The following CYREN variants were observed in gnomAD, a reference collection of about 807,000 sequenced individuals.
The protein encoded by CYREN is cell cycle regulator of NHEJ.
Under a neutral mutation model 9.7 loss-of-function variants are expected in CYREN, and 7 were observed. The ratio of observed to expected loss-of-function variants is 0.72; its 90% CI spans 0.41 to 1.36. CYREN has a LOEUF of 1.36. CYREN is among the 40% of genes most tolerant of loss of function. The pLI is 0.01. For synonymous variants in CYREN, 76 were observed against 77.9 expected (o/e 0.98, Z 0.13); for missense variants, 215 against 198.1 (o/e 1.09, Z -0.51).
chr7:135,125,608 C>A (rs1827768444), intron 2 of CYREN, among the ~76,000 whole-genome samples: 1 of 152,168 alleles, frequency 6.6e-6, no homozygotes, highest in Non-Finnish European at 1.5e-5. Flanking sequence ...AAACTTCAGA[C>A]CAATATTCCT....
At chr7:135,138,601 A>C (rs1347828859) in intron 2 of CYREN, among the ~76,000 whole-genome samples, 1 of 152,096 alleles carries the variant, frequency 6.6e-6, no homozygotes, top group African/African-American at 2.4e-5. Flanking sequence ...AGAAGGAGGT[A>C]GAAAACAAGT....
chr7:135,139,896 T>C (rs1375971544), intron 2 of CYREN, among the ~76,000 whole-genome samples: 1 of 151,780 alleles, frequency 6.6e-6, no homozygotes, highest in East Asian at 1.9e-4. Context: ...TACAACATTA[T>C]ATATGGGTTC....
chr7:135,094,198 C>G, exon 3 of CYREN: 1 of 352,794 alleles, frequency 2.8e-6, no homozygotes, highest in Non-Finnish European at 5.6e-6. Flanking sequence ...CTCGTTTTAG[C>G]TGCAACATGA....
chr7:135,138,988 C>T (rs531496864), intron 2 of CYREN, among the ~76,000 whole-genome samples: 171 of 152,198 alleles, frequency 1.1e-3, no homozygotes, highest in Non-Finnish European at 2.0e-3. Context: ...TTTATTCAGT[C>T]CACCATTGAT....
At chr7:135,110,379 A>C (rs2117129018) in intron 2 of CYREN, among the ~76,000 whole-genome samples, 1 of 152,098 alleles carries the variant, frequency 6.6e-6, no homozygotes, top group African/African-American at 2.4e-5. Context: ...TTGCTGGGAA[A>C]CCCGAGTATC....
chr7:135,168,658 G>A (rs933776451), intron 2 of CYREN, 128 bp downstream of exon 2: 4 of 1,393,452 alleles, frequency 2.9e-6, no homozygotes, highest in Non-Finnish European at 3.9e-6. Context: ...AAAAGCTCAA[G>A]AGATGATCAG....
intron 2 of CYREN, chr7:135,168,250 T>C (rs1830338363): frequency 6.5e-6 from 1 of 153,870 alleles, no homozygotes; most frequent in South Asian, 9.8e-5. Flanking sequence ...CACCGAGTGC[T>C]GGGGCCCCGC....
At position 135,104,375 on chromosome 7, in the gene CYREN, C is replaced by T. The variant is rs559563792; in HGVS notation, n.357-9793G>A. On this transcript the variant is annotated intron_variant and non_coding_transcript_variant, in intron 2 of 2. Transcript: ENST00000459937. ...TATTATTCACAATAGCAATGAATAGCGTTGCAGTGAACATACATATGCATG... is the reference window on the plus strand; with the variant it reads ...TATTATTCACAATAGCAATGAATAGTGTTGCAGTGAACATACATATGCATG... Among the ~76,000 whole-genome samples the T allele has an allele frequency of 5.3e-5, 8 of 152,118 alleles. No homozygotes were observed. In the East Asian group the frequency reaches 1.2e-3, roughly 22 times the overall value.
chr7:135,167,199 G>T (rs1830224503), intron 3 of CYREN: 1 of 985,406 alleles, frequency 1.0e-6, no homozygotes, highest in Non-Finnish European at 1.2e-6. Flanking sequence ...CTGGGTGTGG[G>T]CCCATGCCTT....
chr7:135,101,983 C>G (rs1008812981), intron 2 of CYREN, among the ~76,000 whole-genome samples: 2 of 152,210 alleles, frequency 1.3e-5, no homozygotes, highest in African/African-American at 2.4e-5. Context: ...CTCTCATTCT[C>G]TCTTGCCTGC....
At chr7:135,144,102 GA>G in intron 2 of CYREN, among the ~76,000 whole-genome samples, 1 of 152,322 alleles carries the variant, frequency 6.6e-6, no homozygotes, top group East Asian at 1.9e-4. Context: ...AGAGGTCAGG[GA>G]CTCCCTTCCT....
downstream of CYREN, among the ~76,000 whole-genome samples, chr7:135,161,071 G>A (rs1031354225): frequency 5.9e-5 from 9 of 152,192 alleles, no homozygotes; most frequent in African/African-American, 1.7e-4. The surrounding 1 kb of genome is among the most constrained non-coding windows in gnomAD (Gnocchi z 4.1). Flanking sequence ...GTTCCAAGTC[G>A]CACCAGATGA....
chr7:135,105,351 TA>T (rs1256140691), intron 2 of CYREN, among the ~76,000 whole-genome samples: 1 of 152,218 alleles, frequency 6.6e-6, no homozygotes, highest in Non-Finnish European at 1.5e-5. Context: ...ATTACAGGCA[TA>T]GGCCACTGCG....
chr7:135,135,307 T>A, intron 2 of CYREN: 1 of 1,407,970 alleles, frequency 7.1e-7, no homozygotes, highest in Non-Finnish European at 9.4e-7. Context: ...GGATAACATA[T>A]GCTTATGTAG....
intron 2 of CYREN, among the ~76,000 whole-genome samples, chr7:135,146,464 G>A (rs1160623358): frequency 1.3e-5 from 2 of 152,162 alleles, no homozygotes; most frequent in African/African-American, 2.4e-5. Context: ...GGTGCCAATA[G>A]ACTTGCTCGA....
intron 2 of CYREN, among the ~76,000 whole-genome samples, chr7:135,136,096 G>C (rs1403691460): frequency 1.3e-5 from 2 of 152,080 alleles, no homozygotes; most frequent in African/African-American, 4.8e-5. Flanking sequence ...ATGTCAGGCA[G>C]AAGAGTCAAG....
chr7:135,119,316 G>A (rs928278389), intron 2 of CYREN, among the ~76,000 whole-genome samples: 7 of 151,612 alleles, frequency 4.6e-5, no homozygotes, highest in African/African-American at 9.7e-5. Context: ...TGAAACCTCC[G>A]CCTCCTGGGT....
intron 3 of CYREN, 99 bp from the exon 4 acceptor site, chr7:135,166,970 A>G: frequency 6.5e-7 from 1 of 1,533,908 alleles, no homozygotes; most frequent in South Asian, 1.3e-5. Context: ...GCAACTACAA[A>G]GCCAATGTGA....
chr7:135,147,798 G>C (rs751551076), intron 2 of CYREN: 33 of 456,116 alleles, frequency 7.2e-5, no homozygotes, highest in Non-Finnish European at 1.3e-4. Flanking sequence ...ATTCCGGGTT[G>C]TGTTTATCTT....
Sources: allele counts gnomAD v4.1 joint callset (sites outside exome capture counted in the v4.1 genomes callset), GRCh38; gene constraint gnomAD v4.1.1; non-coding constraint Gnocchi (gnomAD v3.1); transcripts MANE v1.5; gene names NCBI Gene and HGNC (gene_info 2026-07-23, HGNC 2026-07-21).